The following RIMS2 variants were observed in gnomAD, a reference collection of about 807,000 sequenced individuals.
The protein encoded by RIMS2 is regulating synaptic membrane exocytosis protein 2.
RIMS2 carries 59 observed loss-of-function variants against 174.4 expected under a neutral mutation model. That is an observed-to-expected ratio of 0.34 (90% CI 0.27 to 0.42). The LOEUF is 0.42. Ranked by LOEUF, RIMS2 falls within the 10% of genes least tolerant of loss-of-function variation. The pLI, the probability that RIMS2 is intolerant of heterozygous loss-of-function variation, is 1.00. For missense variants in RIMS2, 1,620 were observed against 1,666.3 expected (o/e 0.97, Z 0.48); for synonymous variants, 606 against 572.5 (o/e 1.06, Z -0.84).
In RIMS2 at chr8:103,711,997, ATTT is replaced by A. The variant is rs956761218; in HGVS notation, c.387+14710_387+14712del. ...CATTTAAACTTTATTTTAGTTTTCA[ATTT>A]TTTTTTTTAGAGATGTGGTTTCACT... On this transcript the variant is annotated intron_variant, in intron 2 of 23. Coordinates refer to ENST00000504942, the Ensembl canonical transcript of RIMS2. Among the ~76,000 whole-genome samples the A allele has an allele frequency of 2.7e-5, 4 of 146,184 alleles. No individual in the cohort carries two copies. In the South Asian group the frequency reaches 8.6e-4, roughly 31 times the overall value.
At chr8:103,790,467 T>A (rs1006878345) in intron 3 of RIMS2, among the ~76,000 whole-genome samples, 1 of 152,256 alleles carries the variant, frequency 6.6e-6, no homozygotes, top group African/African-American at 2.4e-5. Flanking sequence ...TATTTCATTG[T>A]ATGTTTATAC....
chr8:104,000,490 G>C (rs2095336449), intron 17 of RIMS2, among the ~76,000 whole-genome samples: 1 of 151,592 alleles, frequency 6.6e-6, no homozygotes, highest in Admixed American at 6.6e-5. Context: ...TCCATATCTT[G>C]GCTATTGTAA....
At chr8:103,816,516 A>G (rs138838665) in intron 3 of RIMS2, among the ~76,000 whole-genome samples, 3 of 152,352 alleles carry the variant, frequency 2.0e-5, no homozygotes, top group East Asian at 3.9e-4. Context: ...ATATGGTCAC[A>G]TATATCAAAT....
chr8:103,816,639 G>A (rs1271649510), intron 3 of RIMS2, among the ~76,000 whole-genome samples: 2 of 152,172 alleles, frequency 1.3e-5, no homozygotes, highest in Non-Finnish European at 2.9e-5. Flanking sequence ...ATGAGTAGGG[G>A]CAGGTGAAAG....
intron 19 of RIMS2, among the ~76,000 whole-genome samples, chr8:104,122,353 C>G (rs1015942473): frequency 2.6e-5 from 4 of 151,976 alleles, no homozygotes; most frequent in Non-Finnish European, 5.9e-5. Flanking sequence ...GGTAGGAGTT[C>G]GTTTTTACCT....
chr8:103,665,623 A>G (rs1325139556), intron 1 of RIMS2, among the ~76,000 whole-genome samples: 1 of 152,226 alleles, frequency 6.6e-6, no homozygotes, highest in African/African-American at 2.4e-5. Flanking sequence ...TTAATTGGAT[A>G]TTAGATAATA....
At chr8:103,952,227 A>G (rs1206533320) in intron 14 of RIMS2, among the ~76,000 whole-genome samples, 3 of 152,172 alleles carry the variant, frequency 2.0e-5, no homozygotes, top group Non-Finnish European at 2.9e-5. Context: ...TGAAGAGAGG[A>G]GCAGATCTCC....
intron 19 of RIMS2, among the ~76,000 whole-genome samples, chr8:104,055,549 A>G (rs1402841336): frequency 2.0e-5 from 3 of 152,188 alleles, no homozygotes; most frequent in Non-Finnish European, 4.4e-5. Context: ...AGCAATTTCA[A>G]TAACCATTAT....
At chr8:103,543,712 C>T (rs1237052026) in intron 1 of RIMS2, among the ~76,000 whole-genome samples, 2 of 152,272 alleles carry the variant, frequency 1.3e-5, no homozygotes, top group South Asian at 2.1e-4. Context: ...GTCAATTGAT[C>T]CTTGACAGAG....
At chr8:103,827,070 G>A (rs1024064189) in intron 3 of RIMS2, among the ~76,000 whole-genome samples, 1 of 151,868 alleles carries the variant, frequency 6.6e-6, no homozygotes, top group Non-Finnish European at 1.5e-5. Context: ...GATTGATTTG[G>A]GAAGAAATAA....
At chr8:103,655,997 A>G (rs1176726264) in intron 1 of RIMS2, among the ~76,000 whole-genome samples, 1 of 152,164 alleles carries the variant, frequency 6.6e-6, no homozygotes, top group Non-Finnish European at 1.5e-5. Flanking sequence ...GAGCAATGGA[A>G]GAGGCCTTTT....
At chr8:103,517,715 GGCAATGGAAGGCT>G (rs1324447781) in intron 1 of RIMS2, among the ~76,000 whole-genome samples, 8 of 152,062 alleles carry the variant, frequency 5.3e-5, no homozygotes, top group Non-Finnish European at 7.4e-5. Flanking sequence ...TGTTGGTGGA[GGCAATGGAAGGCT>G]GCAGTGCAAG....
chr8:104,049,328 A>T (rs2096746376), intron 19 of RIMS2, among the ~76,000 whole-genome samples: 1 of 152,062 alleles, frequency 6.6e-6, no homozygotes, highest in Admixed American at 6.6e-5. Flanking sequence ...CTGAGGCAGG[A>T]GAATGGCGTG....
chr8:104,227,451 G>A (rs1178404900), intron 19 of RIMS2, among the ~76,000 whole-genome samples: 1 of 152,064 alleles, frequency 6.6e-6, no homozygotes, highest in East Asian at 1.9e-4. Context: ...ATATTACTAT[G>A]TGTAGAGTTT....
chr8:104,220,092 G>A (rs1039394625), intron 19 of RIMS2, among the ~76,000 whole-genome samples: 1 of 151,982 alleles, frequency 6.6e-6, no homozygotes, highest in Admixed American at 6.6e-5. Context: ...TATTCCACAA[G>A]TTGTCATTCA....
intron 3 of RIMS2, among the ~76,000 whole-genome samples, chr8:103,815,092 A>G (rs1477040122): frequency 6.6e-6 from 1 of 152,160 alleles, no homozygotes; most frequent in Admixed American, 6.5e-5. Context: ...ATAAATGGAA[A>G]AAATTTGTCA....
chr8:103,514,385 T>A (rs977624716), intron 1 of RIMS2, among the ~76,000 whole-genome samples: 1 of 152,178 alleles, frequency 6.6e-6, no homozygotes, highest in Non-Finnish European at 1.5e-5. Context: ...TGATTCCACA[T>A]GTAGAAAACA....
chr8:103,978,408 A>G (rs79373873), intron 16 of RIMS2, among the ~76,000 whole-genome samples: 1 of 152,246 alleles, frequency 6.6e-6, no homozygotes, highest in East Asian at 1.9e-4. Context: ...GTCATAAAGG[A>G]CAAAGAAATA....
chr8:103,978,146 G>C (rs1405038356), intron 16 of RIMS2, among the ~76,000 whole-genome samples: 1 of 152,170 alleles, frequency 6.6e-6, no homozygotes. Flanking sequence ...GATGGTTTTA[G>C]GAACTCAAGA....
Sources: gnomAD v4.1 joint callset for allele counts (sites outside exome capture counted in the v4.1 genomes callset) on GRCh38, gnomAD v4.1.1 for gene constraint, MANE v1.5 for transcripts, NCBI Gene and HGNC (gene_info 2026-07-23, HGNC 2026-07-21) for gene names.